The following NRG1 variants were observed in gnomAD, a reference collection of about 807,000 sequenced individuals.
NRG1 encodes the protein neuregulin 1, also known as pro-neuregulin-1, membrane-bound isoform.
In NRG1, 18 loss-of-function variants were observed where a neutral mutation model predicts 63.8. That is an observed-to-expected ratio of 0.28 (90% confidence interval 0.19 to 0.42). NRG1 has a LOEUF of 0.42. NRG1 is among the 10% of genes least tolerant of loss of function. The probability of loss-of-function intolerance (pLI) is 1.00; values close to 1 mark genes in which losing one functional copy is unlikely to be tolerated. For missense variants in NRG1, 762 were observed against 814.7 expected (o/e 0.94, Z 0.79); for synonymous variants, 302 against 301.3 (o/e 1.00, Z -0.02).
intron 1 of NRG1, among the ~76,000 whole-genome samples, chr8:31,966,826 A>G (rs965582374): frequency 1.3e-4 from 19 of 143,960 alleles, no homozygotes; most frequent in Admixed American, 9.4e-4. Context: ...TTTGAACACA[A>G]CTGCAATCCA....
At chr8:32,672,028 C>T (rs1324454547) in intron 5 of NRG1, among the ~76,000 whole-genome samples, 1 of 148,098 alleles carries the variant, frequency 6.8e-6, no homozygotes, top group Admixed American at 7.0e-5. Context: ...ACTTCTATTC[C>T]GATATGTGTT....
intron 1 of NRG1, among the ~76,000 whole-genome samples, chr8:32,022,200 T>A (rs2130240839): frequency 6.6e-6 from 1 of 152,326 alleles, no homozygotes; most frequent in Middle Eastern, 3.4e-3. Context: ...CCTGTGAATT[T>A]CAGAGGTAGA....
At chr8:31,989,253 C>CAAAAAAA (rs10692906) in intron 1 of NRG1, among the ~76,000 whole-genome samples, 2,155 of 47,330 alleles carry the variant, frequency 0.046, 460 homozygotes, top group African/African-American at 0.11. Flanking sequence ...GACTCTGTCT[C>CAAAAAAA]AAAAAAAAAA....
intron 1 of NRG1, among the ~76,000 whole-genome samples, chr8:32,353,539 A>G (rs564577548): frequency 6.6e-6 from 1 of 152,280 alleles, no homozygotes; most frequent in African/African-American, 2.4e-5. Flanking sequence ...TCGAAGATAT[A>G]TGGATAGCCA....
intron 1 of NRG1, among the ~76,000 whole-genome samples, chr8:31,828,670 C>T (rs1006490805): frequency 6.6e-6 from 1 of 152,122 alleles, no homozygotes; most frequent in Non-Finnish European, 1.5e-5. Flanking sequence ...AAATTTTGAC[C>T]TCTCTCATCC....
intron 1 of NRG1, among the ~76,000 whole-genome samples, chr8:32,525,057 A>G (rs1830691716): frequency 6.6e-6 from 1 of 152,230 alleles, no homozygotes; most frequent in Non-Finnish European, 1.5e-5. Context: ...ACCTTGAGCA[A>G]AGAAATACTC....
At chr8:32,461,754 C>T (rs943081157) in intron 1 of NRG1, among the ~76,000 whole-genome samples, 5 of 152,106 alleles carry the variant, frequency 3.3e-5, no homozygotes, top group Non-Finnish European at 7.4e-5. Flanking sequence ...TTCCCTTAAT[C>T]GAGTCTGAAA....
At chr8:32,455,113 CAT>C (rs775102507) in intron 1 of NRG1, among the ~76,000 whole-genome samples, 1 of 152,134 alleles carries the variant, frequency 6.6e-6, no homozygotes, top group Non-Finnish European at 1.5e-5. Context: ...CCTACTGACA[CAT>C]TTCTCAGAAG....
intron 1 of NRG1, among the ~76,000 whole-genome samples, chr8:31,961,120 T>G (rs2129625950): frequency 6.6e-6 from 1 of 152,334 alleles, no homozygotes; most frequent in East Asian, 1.9e-4. Flanking sequence ...TAACTTAATT[T>G]ACTCAGAGTA....
intron 1 of NRG1, among the ~76,000 whole-genome samples, chr8:31,965,792 G>T (rs995647948): frequency 2.6e-5 from 4 of 152,114 alleles, no homozygotes; most frequent in East Asian, 3.9e-4. Flanking sequence ...CCATGAAAAA[G>T]AATGAAATCA....
chr8:32,064,380 G>A (rs116841098), intron 1 of NRG1, among the ~76,000 whole-genome samples: 3,175 of 152,240 alleles, frequency 0.021, 40 homozygotes, highest in South Asian at 0.039. Flanking sequence ...TCATTTGGCT[G>A]TCAAAACCAT....
intron 1 of NRG1, among the ~76,000 whole-genome samples, chr8:32,360,808 A>G (rs1345840817): frequency 6.6e-6 from 1 of 152,194 alleles, no homozygotes; most frequent in Non-Finnish European, 1.5e-5. Flanking sequence ...GGGAGTCAGC[A>G]GTTAATGACA....
At chr8:31,897,041 C>T (rs193181025) in intron 1 of NRG1, among the ~76,000 whole-genome samples, 8 of 152,280 alleles carry the variant, frequency 5.3e-5, no homozygotes, top group Admixed American at 3.3e-4. Context: ...GAATGTTTTG[C>T]TTCATTGGTT....
intron 1 of NRG1, among the ~76,000 whole-genome samples, chr8:31,768,070 A>T (rs1196771345): frequency 6.6e-6 from 1 of 152,162 alleles, no homozygotes; most frequent in African/African-American, 2.4e-5. Context: ...TTCTTAGGAT[A>T]TACTTTCATC....
intron 3 of NRG1, among the ~76,000 whole-genome samples, chr8:32,610,981 T>C (rs544988118): frequency 7.2e-5 from 11 of 152,258 alleles, no homozygotes; most frequent in Admixed American, 3.9e-4. Flanking sequence ...AGTCTGTATA[T>C]AGGAAACCTT....
intron 1 of NRG1, among the ~76,000 whole-genome samples, chr8:31,715,653 G>A (rs1269511261): frequency 2.0e-5 from 3 of 152,030 alleles, no homozygotes; most frequent in Non-Finnish European, 4.4e-5. Context: ...TAACCAGTTG[G>A]CACCATAATT....
intron 1 of NRG1, among the ~76,000 whole-genome samples, chr8:31,876,088 C>T (rs1431861175): frequency 1.3e-5 from 2 of 152,084 alleles, no homozygotes; most frequent in Non-Finnish European, 2.9e-5. Flanking sequence ...ATGAATTGAT[C>T]ACAGAAGCAT....
chr8:32,473,893 C>T (rs1824154561), intron 1 of NRG1, among the ~76,000 whole-genome samples: 1 of 152,030 alleles, frequency 6.6e-6, no homozygotes, highest in Non-Finnish European at 1.5e-5. Flanking sequence ...GCCATGTTTC[C>T]CAAGCTGGTC....
chr8:32,183,087 G>A (rs1585907645), intron 1 of NRG1, among the ~76,000 whole-genome samples: 2 of 152,146 alleles, frequency 1.3e-5, no homozygotes, highest in Non-Finnish European at 2.9e-5. Context: ...AAAGGGGAAG[G>A]AAAGAACTCC....
Sources: allele counts gnomAD v4.1 joint callset (sites outside exome capture counted in the v4.1 genomes callset), GRCh38; gene constraint gnomAD v4.1.1; transcripts MANE v1.5; gene names NCBI Gene and HGNC (gene_info 2026-07-23, HGNC 2026-07-21).